Variants in KMT2C observed in about 807,000 individuals in gnomAD.
KMT2C encodes the protein histone-lysine N-methyltransferase 2C.
KMT2C carries 88 observed loss-of-function variants against 507.9 expected under a neutral mutation model. The ratio of observed to expected loss-of-function variants is 0.17; its 90% confidence interval spans 0.15 to 0.21. The LOEUF (loss-of-function observed/expected upper bound fraction) is 0.21, where lower values mean the gene tolerates loss of function less well. Among genes scored for constraint, KMT2C ranks in the 10% least tolerant of loss-of-function variants. The probability of loss-of-function intolerance (pLI) is 1.00; values close to 1 mark genes in which losing one functional copy is unlikely to be tolerated. For missense variants in KMT2C, 4,954 were observed against 5,957.8 expected, an observed-to-expected ratio of 0.83 and a Z score of 5.55; for synonymous variants, 2,049 against 2,080.8, an observed-to-expected ratio of 0.98 and a Z score of 0.42.
chr7:152,273,859 T>C lies in KMT2C; in HGVS notation c.858A>G (p.Ala286=), dbSNP rs755448621. ...AVVSGSTERC[A]FCKHLGATIK... ...TAGTGGCTCCAAGGTGCTTACAAAA[T>C]GCACATCGCTGAAAGGGGTAAAGGA... Residue 286 remains alanine (A), a synonymous_variant, in exon 7 of 59, where the codon GCA becomes GCG. Coordinates refer to ENST00000262189, the MANE Select transcript of KMT2C (RefSeq NM_170606.3). The C allele has an allele frequency of 4.3e-6, 7 of 1,613,330 alleles. No individual in the cohort carries two copies. Among genetic ancestry groups the C allele is most frequent in the Non-Finnish European group, 5.9e-6 (7 of 1,179,486 alleles).
At chr7:152,194,305 A>C in intron 29 of KMT2C, 44 bp from the exon 30 acceptor site, 1 of 1,350,522 alleles carries the variant, frequency 7.4e-7, no homozygotes, top group Non-Finnish European at 1.0e-6. Flanking sequence ...ACAGCTACTA[A>C]TTCAATATAC....
intron 1 of KMT2C, among the ~76,000 whole-genome samples, chr7:152,423,711 G>A (rs2097792943): frequency 1.3e-5 from 2 of 152,122 alleles, no homozygotes; most frequent in Non-Finnish European, 2.9e-5. Context: ...TATTATTACG[G>A]GGTTTTCAAT....
intron 14 of KMT2C, among the ~76,000 whole-genome samples, chr7:152,247,628 A>G (rs1054670499): frequency 4.7e-3 from 723 of 152,302 alleles, no homozygotes; most frequent in Non-Finnish European, 5.9e-3. Context: ...AAGAATTTTT[A>G]AAGTTCTTTC....
chr7:152,346,988 G>A lies in KMT2C; in HGVS notation c.250+11599C>T, dbSNP rs149755174. 1.4e-3 allele frequency among the ~76,000 whole-genome samples: 209 copies of A among 152,264 alleles called. 1 individual carries two copies. The highest frequency in any genetic ancestry group is 4.5e-3 in the African/African-American group (186 of 41,552). On this transcript the variant is annotated intron_variant, in intron 2 of 58. Coordinates refer to ENST00000262189, the MANE Select transcript of KMT2C (RefSeq NM_170606.3). ...TAAAGATACAAAAACTTAGCTGGGC[G>A]TGGTGGCATGTGCCTATAATCCCAG...
intron 4 of KMT2C, among the ~76,000 whole-genome samples, chr7:152,312,822 A>G (rs894377916): frequency 2.0e-5 from 3 of 152,172 alleles, no homozygotes; most frequent in African/African-American, 7.2e-5. Flanking sequence ...TCTTCTCCTA[A>G]TATCATAGTA....
At chr7:152,419,004 GGTGACATA>G (rs1365834445) in intron 1 of KMT2C, among the ~76,000 whole-genome samples, 1 of 152,014 alleles carries the variant, frequency 6.6e-6, no homozygotes, top group Non-Finnish European at 1.5e-5. Context: ...GACCAGCCTG[GGTGACATA>G]GTGAGACGAC....
Position 152,311,944 on chromosome 7 carries a change from T to C in KMT2C, c.593A>G (p.Glu198Gly). The change falls in exon 5 of 59, where the codon GAA becomes GGA. Residue 198 changes from glutamate to glycine, a missense_variant and splice_region_variant. Physicochemically the swap from Glu to Gly is moderately conservative, Grantham distance 98. Transcript: ENST00000262189. ...TACTATATTCTGCTGAGGAGATCGT[T>C]CTCTGAAAATAAAATAAAATAACTG... ...APRKQRGQRKERSPQQNIVSC... is the reference protein window; with the variant it reads ...APRKQRGQRKGRSPQQNIVSC... The C allele has an allele frequency of 6.5e-7, 1 of 1,540,528 alleles. No homozygotes were observed. The highest frequency in any genetic ancestry group is 8.8e-7 in the Non-Finnish European group (1 of 1,134,056).
At chr7:152,370,617 T>A (rs73487303) in intron 1 of KMT2C, among the ~76,000 whole-genome samples, 1 of 152,130 alleles carries the variant, frequency 6.6e-6, no homozygotes, top group Non-Finnish European at 1.5e-5. Context: ...TCATCAAGAA[T>A]ATATTAGCAA....
chr7:152,401,437 T>C (rs534553287), intron 1 of KMT2C, among the ~76,000 whole-genome samples: 7 of 148,292 alleles, frequency 4.7e-5, no homozygotes, highest in Non-Finnish European at 1.0e-4. Flanking sequence ...ACACCTGTAA[T>C]CCCAGCACTT....
chr7:152,422,162 T>C (rs147701937), intron 1 of KMT2C, among the ~76,000 whole-genome samples: 1 of 151,802 alleles, frequency 6.6e-6, no homozygotes, highest in East Asian at 1.9e-4. Flanking sequence ...ACTGGAGGCT[T>C]AGGGCTGGGC....
rs577110035 is a variant in KMT2C at position 152,349,152 on chromosome 7, G to A, written c.250+9435C>T. Among the ~76,000 whole-genome samples the A allele has an allele frequency of 5.9e-5, 9 of 152,236 alleles. No individual in the cohort carries two copies. The East Asian group carries it at 1.7e-3, about 29-fold the overall frequency. On this transcript the variant is annotated intron_variant, in intron 2 of 58. Coordinates refer to ENST00000262189, the MANE Select transcript of KMT2C (RefSeq NM_170606.3). ...GAAATGCACTATCAAGACATGAAAAGACACGGAGGAGGGCTGGGCGCGGTG... is the reference window on the plus strand; with the variant it reads ...GAAATGCACTATCAAGACATGAAAAAACACGGAGGAGGGCTGGGCGCGGTG...
intron 9 of KMT2C, among the ~76,000 whole-genome samples, chr7:152,255,155 A>ATGTG (rs1161159119): frequency 2.9e-5 from 4 of 137,466 alleles, no homozygotes; most frequent in African/African-American, 1.1e-4. Flanking sequence ...ACATATATAT[A>ATGTG]TATGTGTGTG....
intron 2 of KMT2C, among the ~76,000 whole-genome samples, chr7:152,333,592 A>G (rs1463983083): frequency 6.6e-6 from 1 of 152,188 alleles, no homozygotes; most frequent in Non-Finnish European, 1.5e-5. Flanking sequence ...AATTTCACAC[A>G]AAACTTTATC....
At chr7:152,334,522 TTAG>T (rs1187830463) in intron 2 of KMT2C, among the ~76,000 whole-genome samples, 1 of 152,098 alleles carries the variant, frequency 6.6e-6, no homozygotes, top group Non-Finnish European at 1.5e-5. Context: ...TTTCCAAGTT[TTAG>T]TAGGACACAT....
intron 6 of KMT2C, among the ~76,000 whole-genome samples, chr7:152,309,015 T>C (rs1385628654): frequency 6.6e-6 from 1 of 152,104 alleles, no homozygotes; most frequent in East Asian, 1.9e-4. Flanking sequence ...TACAATGCAA[T>C]AAAGATGAAC....
At chr7:152,213,750 T>TAAAA (rs922863914) in intron 23 of KMT2C, among the ~76,000 whole-genome samples, 2 of 76,330 alleles carry the variant, frequency 2.6e-5, no homozygotes, top group Admixed American at 1.3e-4. Flanking sequence ...TGCATAGCAA[T>TAAAA]AAAAAAAAAA....
chr7:152,313,284 T>C (rs922082197), intron 4 of KMT2C, among the ~76,000 whole-genome samples: 1 of 151,996 alleles, frequency 6.6e-6, no homozygotes, highest in African/African-American at 2.4e-5. Flanking sequence ...TAAATGTTGT[T>C]TTAGCATACT....
intron 6 of KMT2C, among the ~76,000 whole-genome samples, chr7:152,293,072 T>G (rs1256704150): frequency 6.6e-6 from 1 of 152,078 alleles, no homozygotes; most frequent in East Asian, 1.9e-4. Context: ...ATAGAAAGAC[T>G]TAGTATAAAG....
At chr7:152,209,045 G>T (rs1204353551) in intron 23 of KMT2C, among the ~76,000 whole-genome samples, 1 of 151,916 alleles carries the variant, frequency 6.6e-6, no homozygotes, top group African/African-American at 2.4e-5. Context: ...TAAAAGCCCA[G>T]CTATTCAGGA....
Sources: allele counts gnomAD v4.1 joint callset (sites outside exome capture counted in the v4.1 genomes callset), GRCh38; gene constraint gnomAD v4.1.1; transcripts MANE v1.5; gene names NCBI Gene and HGNC (gene_info 2026-07-23, HGNC 2026-07-21).